PASK: variants seen among roughly 807,000 people sequenced by gnomAD.
PASK encodes the protein PAS domain containing serine/threonine kinase.
In PASK, 110 loss-of-function variants were observed where a neutral mutation model predicts 121.0. The observed-to-expected ratio is 0.91, with a 90% CI of 0.78 to 1.06. PASK has a LOEUF of 1.06. PASK is among the 50% of genes least tolerant of loss of function. The pLI is 0.00. For synonymous variants in PASK, 686 were observed against 717.8 expected, an observed-to-expected ratio of 0.96 and a Z score of 0.71; for missense variants, 1,643 against 1,702.3, an observed-to-expected ratio of 0.97 and a Z score of 0.61.
intron 15 of PASK, among the ~76,000 whole-genome samples, chr2:241,111,865 G>A (rs967239049): frequency 2.0e-5 from 3 of 152,128 alleles, no homozygotes; most frequent in Admixed American, 1.3e-4. Flanking sequence ...GGTCAGCCCC[G>A]CGGTATTTTA....
At chr2:241,143,999 T>C (rs1362424987) in intron 1 of PASK, among the ~76,000 whole-genome samples, 2 of 152,212 alleles carry the variant, frequency 1.3e-5, no homozygotes, top group Non-Finnish European at 2.9e-5. Flanking sequence ...CATGGTGACA[T>C]CTTACAGGAG....
intron 12 of PASK, among the ~76,000 whole-genome samples, chr2:241,121,252 T>C (rs576863155): frequency 4.6e-5 from 7 of 152,380 alleles, no homozygotes; most frequent in African/African-American, 1.7e-4. Flanking sequence ...TGAAATGTTC[T>C]TCGTTTGTGG....
At chr2:241,131,758 A>G (rs1245866941) in intron 9 of PASK, among the ~76,000 whole-genome samples, 5 of 152,166 alleles carry the variant, frequency 3.3e-5, no homozygotes, top group Admixed American at 2.0e-4. Context: ...CATGCTGTGC[A>G]TAAGAAAAGA....
rs781751338 is a variant in PASK, at chr2:241,139,908, C to T, written c.577G>A (p.Ala193Thr). Residue 193 changes from alanine (A) to threonine (T), a missense_variant, in exon 4 of 18, where the codon GCT becomes ACT. Transcript: ENST00000234040. ...ACCACCGTGCCAAACACCACCGCAG[C>T]GTGGCCGTCGGCCTCCATGTGCTCC... ...SEEHMEADGH[A>T]AVVFGTVVDI... 29 of 1,614,078 alleles carry T rather than the reference C, an allele frequency of 1.8e-5. No individual in the cohort carries two copies. The highest frequency in any genetic ancestry group is 1.6e-4 in the Middle Eastern group (1 of 6,084).
intron 14 of PASK, chr2:241,113,635 T>C: frequency 1.3e-6 from 1 of 790,718 alleles, no homozygotes; most frequent in Non-Finnish European, 1.5e-6. Flanking sequence ...ACACATGAAC[T>C]TGAACATGGA....
chr2:241,132,371 C>T (rs912385338), intron 9 of PASK, among the ~76,000 whole-genome samples: 1 of 151,100 alleles, frequency 6.6e-6, no homozygotes, highest in Non-Finnish European at 1.5e-5. Context: ...AAAAAAGTAA[C>T]CGGGCGTGGT....
upstream of PASK, chr2:241,149,754 G>T: frequency 6.5e-7 from 1 of 1,540,858 alleles, no homozygotes; most frequent in Middle Eastern, 1.8e-4. Context: ...TTCTGAAGGC[G>T]GAGGACGCGG....
At chr2:241,128,411 A>G (rs906547981) in intron 9 of PASK, among the ~76,000 whole-genome samples, 1 of 152,254 alleles carries the variant, frequency 6.6e-6, no homozygotes, top group Non-Finnish European at 1.5e-5. Context: ...AGGCTGCCAC[A>G]GTCCAGACAG....
chr2:241,132,527 T>TAAAAAAAAAAA (rs71049553), intron 9 of PASK, among the ~76,000 whole-genome samples: 32 of 39,522 alleles, frequency 8.1e-4, no homozygotes, highest in East Asian at 5.4e-3. Context: ...AGACTCTGTC[T>TAAAAAAAAAAA]AAAAAAAAAA....
rs2064873665 is a variant in PASK, at chr2:241,106,125, A to C, written c.*441T>G. 9.0e-6 allele frequency: 2 copies of C among 220,998 alleles called. No individual in the cohort carries two copies. The highest frequency in any genetic ancestry group is 1.8e-5 in the Non-Finnish European group (2 of 110,408). The allele number at this position is 220,998 out of a possible 1,614,324, so 13.7% of individuals were successfully genotyped here. A position where few individuals can be genotyped will look rare whatever the true frequency, so the allele number is the denominator to read the frequency against. On this transcript the variant is annotated 3_prime_UTR_variant, in exon 18 of 18. Coordinates refer to ENST00000234040, the MANE Select transcript of PASK (RefSeq NM_015148.4). ...AACTGTTTACTAACAAAGGTGCTTT[A>C]ATTTGAAAAGCATTTGAGGAAATAA...
At chr2:241,127,910 C>T (rs749119118) in intron 9 of PASK, among the ~76,000 whole-genome samples, 7 of 152,352 alleles carry the variant, frequency 4.6e-5, no homozygotes, top group East Asian at 3.9e-4. Flanking sequence ...AAACACCATC[C>T]GATTTCACAG....
chr2:241,147,449 C>T (rs1393603735), intron 1 of PASK, among the ~76,000 whole-genome samples: 1 of 151,954 alleles, frequency 6.6e-6, no homozygotes, highest in African/African-American at 2.4e-5. Context: ...GAGACCCCAT[C>T]TCTACAAAAA....
rs763357825 is a variant in PASK at position 241,126,355 on chromosome 2, C to T, written c.2560G>A (p.Gly854Ser). The T allele has an allele frequency of 5.6e-6, 9 of 1,614,144 alleles. No homozygotes were observed. Among genetic ancestry groups the T allele is most frequent in the Middle Eastern group, 1.6e-4 (1 of 6,084 alleles). The change falls in exon 10 of 18, where the codon GGC (glycine) becomes AGC (serine). Residue 854 changes from glycine to serine, a missense_variant. By Grantham distance (56) the Gly-to-Ser change is moderately conservative. This residue lies in a region of PASK where 1,176 missense variants were observed against 1,162.2 expected (regional missense o/e 1.01). Transcript: ENST00000234040. ...GCTGATGGGCACGTGTCCTCAGGGC[C>T]AGCATCCAACGTGGAAGGAACGTGT... Reference protein sequence around the residue: ...PGHVPSTLDAGPEDTCPSAEE... With the variant: ...PGHVPSTLDASPEDTCPSAEE...
At chr2:241,139,351 GCCATGCCTTGGGCTTTTT>G (rs565231317) in intron 4 of PASK, among the ~76,000 whole-genome samples, 129 of 152,142 alleles carry the variant, frequency 8.5e-4, no homozygotes, top group Non-Finnish European at 1.4e-3. Context: ...CCTACAATCA[GCCATGCCTTGGGCTTTTT>G]CCATGCCTTG....
intron 1 of PASK, among the ~76,000 whole-genome samples, chr2:241,147,931 A>G (rs6726954): frequency 0.44 from 67,005 of 151,956 alleles, 15,463 homozygotes; most frequent in East Asian, 0.85. Flanking sequence ...GGGCATCTGA[A>G]GTCCACGTGG....
At chr2:241,150,225 G>A (rs1575370977), upstream of PASK, 1 of 1,279,156 alleles carries the variant, frequency 7.8e-7, no homozygotes. Context: ...GGCTCTGTGC[G>A]TCCCGCTTCG....
chr2:241,149,399 G>C lies in PASK; in HGVS notation c.-43+15C>G, dbSNP rs576226338. On this transcript the variant is annotated intron_variant, in intron 1 of 17. Transcript: ENST00000234040. ...GGCGGAGCCCGGCCCGCTCTCCCGA[G>C]CGCAGGTATCTCACCTGGATCAGGC... The C allele has an allele frequency of 2.2e-4, 99 of 449,188 alleles. 3 individuals are homozygous for C. In the South Asian group the frequency reaches 2.8e-3, roughly 13 times the overall value. 27.8% of individuals were successfully genotyped at this position (449,188 alleles called of 1,614,324 possible). A position where few individuals can be genotyped will look rare whatever the true frequency, so the allele number is the denominator to read the frequency against.
At chr2:241,145,642 C>T (rs945331542) in intron 1 of PASK, 4 of 151,278 alleles carry the variant, frequency 2.6e-5, no homozygotes, top group African/African-American at 9.7e-5. Context: ...TTTGGGAGGC[C>T]GAGGCAAGCA....
At position 241,135,695 on chromosome 2, in the gene PASK, C is replaced by A. The variant is rs146132116; in HGVS notation, c.1306+176G>T. Among the ~76,000 whole-genome samples, 879 of 151,488 alleles carry A rather than the reference C, an allele frequency of 5.8e-3. 6 individuals are homozygous for A. Among genetic ancestry groups the A allele is most frequent in the African/African-American group, 0.02 (818 of 41,202 alleles). On this transcript the variant is annotated intron_variant, in intron 8 of 17. Coordinates refer to ENST00000234040, the MANE Select transcript of PASK (RefSeq NM_015148.4). ...ATGTTTATAAGAATATGTCACAGCC[C>A]CCGAGACAGAGAGGAACATCAAACC... is the stretch of plus-strand genomic sequence containing the variant.
Sources: allele counts gnomAD v4.1 joint callset (sites outside exome capture counted in the v4.1 genomes callset), GRCh38; gene constraint gnomAD v4.1.1; regional missense constraint gnomAD v4.1.1; transcripts MANE v1.5; gene names NCBI Gene and HGNC (gene_info 2026-07-23, HGNC 2026-07-21).